NCAPH2: variants seen among roughly 807,000 people sequenced by gnomAD.
NCAPH2 encodes the protein non-SMC condensin II complex subunit H2.
NCAPH2 carries 56 observed loss-of-function variants against 88.6 expected under a neutral mutation model. The observed-to-expected ratio is 0.63, with a 90% confidence interval of 0.51 to 0.79. The LOEUF (loss-of-function observed/expected upper bound fraction) is 0.79, where lower values mean the gene tolerates loss of function less well. Among genes scored for constraint, NCAPH2 ranks in the 30% least tolerant of loss-of-function variants. NCAPH2 has a pLI of 0.00. For synonymous variants in NCAPH2, 378 were observed against 313.6 expected (o/e 1.21, Z -2.17); for missense variants, 794 against 792.0 (o/e 1.00, Z -0.03).
chr22:50,514,648 G>A (rs1466567157), intron 1 of NCAPH2, among the ~76,000 whole-genome samples: 3 of 152,186 alleles, frequency 2.0e-5, no homozygotes, highest in South Asian at 2.1e-4. Flanking sequence ...TCAGCTTCCA[G>A]GCCGCCATCT....
intron 1 of NCAPH2, among the ~76,000 whole-genome samples, chr22:50,509,464 A>G (rs1001823033): frequency 5.3e-5 from 8 of 152,240 alleles, no homozygotes; most frequent in African/African-American, 1.9e-4. Context: ...AAATGTGGCT[A>G]TAGTGAAGCC....
At position 50,523,354 on chromosome 22, in the gene NCAPH2, C is replaced by T. The variant is rs780283263; in HGVS notation, c.1797C>T (p.Ala599=). ...RAHKRFQTYA[A]PSMAQP ...ACAAGCGCTTCCAGACCTACGCTGC[C>T]CCCTCCATGGCCCAGCCCTGAGTGG... Residue 599 remains alanine (A), a synonymous_variant, in exon 20 of 20, where the codon GCC becomes GCT. Coordinates refer to ENST00000420993, the MANE Select transcript of NCAPH2 (RefSeq NM_152299.4). 5.1e-6 allele frequency: 8 copies of T among 1,554,994 alleles called. No individual in the cohort carries two copies. Among genetic ancestry groups the T allele is most frequent in the South Asian group, 1.2e-5 (1 of 84,968 alleles).
chr22:50,516,017 A>C (rs1260195165), intron 1 of NCAPH2, among the ~76,000 whole-genome samples: 1 of 152,080 alleles, frequency 6.6e-6, no homozygotes. Context: ...GAGCAGAGGA[A>C]GGATGGCGAC....
intron 1 of NCAPH2, among the ~76,000 whole-genome samples, chr22:50,516,221 G>A (rs1339527038): frequency 6.6e-6 from 1 of 152,162 alleles, no homozygotes; most frequent in Non-Finnish European, 1.5e-5. Context: ...TGTGCCCTGG[G>A]GGCCTTCCAC....
chr22:50,512,788 C>T (rs1037699666), intron 1 of NCAPH2, among the ~76,000 whole-genome samples: 1 of 152,142 alleles, frequency 6.6e-6, no homozygotes, highest in Non-Finnish European at 1.5e-5. Flanking sequence ...TCAAGTGATC[C>T]ACCTGCCTTG....
Position 50,515,632 on chromosome 22 carries a change from A to G in NCAPH2, c.109-815A>G, listed in dbSNP as rs531481204. 356 of 1,019,336 alleles carry G rather than the reference A, an allele frequency of 3.5e-4. 1 individual carries two copies. Among genetic ancestry groups the G allele is most frequent in the South Asian group, 1.3e-3 (82 of 65,206 alleles). 63.1% of individuals were successfully genotyped at this position (1,019,336 alleles called of 1,614,324 possible). On this transcript the variant is annotated intron_variant, in intron 1 of 19. Transcript: ENST00000420993. ...AGGATGGTCTCGATCTCCTGACCTC[A>G]TGATCTGCCCGCCTCGGCCTCCCAA...
At chr22:50,509,812 G>C (rs1305487806) in intron 1 of NCAPH2, among the ~76,000 whole-genome samples, 1 of 151,802 alleles carries the variant, frequency 6.6e-6, no homozygotes, top group Non-Finnish European at 1.5e-5. Context: ...CCTCATTTTG[G>C]GCTGTTTTGT....
chr22:50,521,438 C>T, intron 10 of NCAPH2, 105 bp from the exon 11 acceptor site: 1 of 1,204,824 alleles, frequency 8.3e-7, no homozygotes, highest in Non-Finnish European at 1.2e-6. Flanking sequence ...GGCTGTGTAC[C>T]CCCTACTCTT....
chr22:50,515,121 A>T (rs150184570), intron 1 of NCAPH2, among the ~76,000 whole-genome samples: 3,158 of 152,332 alleles, frequency 0.021, 66 homozygotes, highest in Middle Eastern at 0.12. Context: ...TCACTAAGGG[A>T]CACGATCACA....
Position 50,516,561 on chromosome 22 carries a change from T to TC in NCAPH2, c.210+13_210+14insC, listed in dbSNP as rs147983222. The TC allele has an allele frequency of 5.8e-4, 940 of 1,613,382 alleles. 8 individuals are homozygous for TC. In the African/African-American group the frequency reaches 0.011, roughly 19 times the overall value. On this transcript the variant is annotated intron_variant, in intron 2 of 19. Transcript: ENST00000420993. ...CTACAGTAAGAAGGTGGGCCCTGCT[T>TC]GACGCTGGTCTTGGCATTTTGGTGG... is the stretch of plus-strand genomic sequence containing the variant.
In NCAPH2 at chr22:50,508,299, C is replaced by T; in HGVS notation, c.-39C>T. The T allele has an allele frequency of 1.4e-6, 2 of 1,423,982 alleles. No individual in the cohort carries two copies. Among genetic ancestry groups the T allele is most frequent in the Non-Finnish European group, 1.9e-6 (2 of 1,077,688 alleles). 88.2% of individuals were successfully genotyped at this position (1,423,982 alleles called of 1,614,324 possible). ...TGAGGACGCCGTACCCCTCGGAAGG[C>T]AGCCCTGCGGTCCCTTTGCCGCCCG... On this transcript the variant is annotated 5_prime_UTR_variant, in exon 1 of 20. Coordinates refer to ENST00000420993, the MANE Select transcript of NCAPH2 (RefSeq NM_152299.4).
At position 50,517,775 on chromosome 22, in the gene NCAPH2, C is replaced by T. The variant is rs1367285413; in HGVS notation, c.386C>T (p.Thr129Ile). 6.2e-7 allele frequency: 1 copy of T among 1,613,890 alleles called. No individual in the cohort carries two copies. The highest frequency in any genetic ancestry group is 1.3e-5 in the African/African-American group (1 of 74,948). ...CTGGATGACTTCCCTGACTCCCGGA[C>T]TAACGTGGATCTCAAGAATGATCAG... is the stretch of plus-strand genomic sequence containing the variant. Reference protein sequence around the residue: ...LSLDDFPDSRTNVDLKNDQTP... With the variant: ...LSLDDFPDSRINVDLKNDQTP... Residue 129 changes from threonine (T) to isoleucine (I), a missense_variant, in exon 5 of 20, where the codon ACT (threonine) becomes ATT (isoleucine). By Grantham distance (89) the Thr-to-Ile change is moderately conservative. Around this residue, in one of 2 missense-constraint regions of NCAPH2, gnomAD observed 735 missense variants for 696.3 expected, o/e 1.06. Coordinates refer to ENST00000420993, the MANE Select transcript of NCAPH2 (RefSeq NM_152299.4).
In NCAPH2 at chr22:50,522,557, G is replaced by C. The variant is rs368752747; in HGVS notation, c.1363G>C (p.Ala455Pro). The change falls in exon 16 of 20, where the codon GCC becomes CCC. Residue 455 changes from alanine (A) to proline (P), a missense_variant. Coordinates refer to ENST00000420993, the MANE Select transcript of NCAPH2 (RefSeq NM_152299.4). Reference protein sequence around the residue: ...MEPEGADPREAADLDAVPMSL... With the variant: ...MEPEGADPREPADLDAVPMSL... Reference sequence around the variant, plus strand: ...GCCCGAGGGAGCAGACCCCAGGGAAGCCGCTGACCTTGGTAGGTGGGCAGC... The same window carrying C: ...GCCCGAGGGAGCAGACCCCAGGGAACCCGCTGACCTTGGTAGGTGGGCAGC... The C allele has an allele frequency of 1.2e-5, 20 of 1,613,680 alleles. No homozygotes were observed. In the African/African-American group the frequency reaches 2.3e-4, roughly 18 times the overall value.
At position 50,524,198 on chromosome 22, in the gene NCAPH2, C is replaced by A. The variant is rs771629047; in HGVS notation, c.*823C>A. 1 of 1,608,744 alleles carries A rather than the reference C, an allele frequency of 6.2e-7. No homozygotes were observed. The highest frequency in any genetic ancestry group is 2.2e-5 in the East Asian group (1 of 44,878). ...GCCCTCAGGGCCAGCCAGGCCCCACCGAGTCCAGCCCCGAACAGGCCTGTG... is the reference window on the plus strand; with the variant it reads ...GCCCTCAGGGCCAGCCAGGCCCCACAGAGTCCAGCCCCGAACAGGCCTGTG... On this transcript the variant is annotated 3_prime_UTR_variant, in exon 20 of 20. Coordinates refer to ENST00000420993, the MANE Select transcript of NCAPH2 (RefSeq NM_152299.4).
rs1386679659 is a variant in NCAPH2, at chr22:50,518,169, C to T, written c.537C>T (p.Phe179=). 1.9e-6 allele frequency: 3 copies of T among 1,614,116 alleles called. No individual in the cohort carries two copies. Among genetic ancestry groups the T allele is most frequent in the South Asian group, 2.2e-5 (2 of 91,090 alleles). The change falls in exon 7 of 20, where the codon TTC becomes TTT. Residue 179 remains phenylalanine, a synonymous_variant. Transcript: ENST00000420993. ...QGEVLASRKD[F]RMNTCVPHPR... is the part of the protein sequence containing the mutation. ...AGGTCCTGGCCAGCCGGAAGGATTT[C>T]AGGATGAACACGTGCGTTCCCCACC...
In NCAPH2 at chr22:50,524,644, C is replaced by A. The variant is rs188267742; in HGVS notation, c.*1269C>A. ...CACTCCTGTCCTCTACCTGGGATCA[C>A]CAGCCTGTCACCGCACCCTGCCCTG... is the stretch of plus-strand genomic sequence containing the variant. On this transcript the variant is annotated 3_prime_UTR_variant, in exon 20 of 20. Coordinates refer to ENST00000420993, the MANE Select transcript of NCAPH2 (RefSeq NM_152299.4). 4.3e-6 allele frequency: 3 copies of A among 702,690 alleles called. No homozygotes were observed. Among genetic ancestry groups the A allele is most frequent in the Admixed American group, 2.0e-5 (1 of 49,492 alleles). 43.5% of individuals were successfully genotyped at this position (702,690 alleles called of 1,614,324 possible). A position where few individuals can be genotyped will look rare whatever the true frequency, so the allele number is the denominator to read the frequency against.
In NCAPH2 at chr22:50,523,769, C is replaced by G. The variant is rs751473601; in HGVS notation, c.*394C>G. On this transcript the variant is annotated 3_prime_UTR_variant, in exon 20 of 20. Coordinates refer to ENST00000420993, the MANE Select transcript of NCAPH2 (RefSeq NM_152299.4). ...TCCACGATGTAGTCCTGGTCCTCATCCTTGGGGCCTGCATTGTAGTACACG... is the reference window on the plus strand; with the variant it reads ...TCCACGATGTAGTCCTGGTCCTCATGCTTGGGGCCTGCATTGTAGTACACG... The G allele has an allele frequency of 6.2e-6, 10 of 1,614,048 alleles. No individual in the cohort carries two copies. The South Asian group carries it at 7.7e-5, about 12-fold the overall frequency.
Position 50,521,790 on chromosome 22 carries a change from G to A in NCAPH2, c.1050G>A (p.Lys350=). ...GTGTGGAGGAGGCTCTGGGACAGAA[G>A]CGCAAGAGGAAGGGCGCTGCCAAGC... ...PPCVEEALGQ[K]RKRKGAAKLQ... The change falls in exon 12 of 20, where the codon AAG becomes AAA. Residue 350 remains lysine, a synonymous_variant. Transcript: ENST00000420993. 1.2e-6 allele frequency: 2 copies of A among 1,613,990 alleles called. No homozygotes were observed. The highest frequency in any genetic ancestry group is 1.7e-6 in the Non-Finnish European group (2 of 1,180,040).
Position 50,524,292 on chromosome 22 carries a change from C to T in NCAPH2, c.*917C>T. 6.2e-7 allele frequency: 1 copy of T among 1,603,222 alleles called. No individual in the cohort carries two copies. Among genetic ancestry groups the T allele is most frequent in the African/African-American group, 1.3e-5 (1 of 75,030 alleles). On this transcript the variant is annotated 3_prime_UTR_variant, in exon 20 of 20. Coordinates refer to ENST00000420993, the MANE Select transcript of NCAPH2 (RefSeq NM_152299.4). Reference sequence around the variant, plus strand: ...GCCCACCTGTCTCTGCAGGGCCCTGCCTTGACAAAAGCCAGGACCTCAGAT... The same window carrying T: ...GCCCACCTGTCTCTGCAGGGCCCTGTCTTGACAAAAGCCAGGACCTCAGAT...
Sources: allele counts gnomAD v4.1 joint callset (sites outside exome capture counted in the v4.1 genomes callset), GRCh38; gene constraint gnomAD v4.1.1; regional missense constraint gnomAD v4.1.1; transcripts MANE v1.5; gene names NCBI Gene and HGNC (gene_info 2026-07-23, HGNC 2026-07-21).